The following TRAF3 variants were observed in gnomAD, a reference collection of about 807,000 sequenced individuals.
TRAF3 encodes TNF receptor associated factor 3.
In TRAF3, 13 loss-of-function variants were observed where a neutral mutation model predicts 62.3. The observed-to-expected ratio is 0.21, with a 90% confidence interval of 0.14 to 0.33. TRAF3 has a LOEUF of 0.33. Among genes scored for constraint, TRAF3 ranks in the 10% least tolerant of loss-of-function variants. The pLI, the probability that TRAF3 is intolerant of heterozygous loss-of-function variation, is 1.00. For synonymous variants in TRAF3, 269 were observed against 283.4 expected, an observed-to-expected ratio of 0.95 and a Z score of 0.51; for missense variants, 440 against 741.8, an observed-to-expected ratio of 0.59 and a Z score of 4.73.
At chr14:102,858,047 A>G (rs143628844) in intron 2 of TRAF3, among the ~76,000 whole-genome samples, 108 of 152,352 alleles carry the variant, frequency 7.1e-4, no homozygotes, top group African/African-American at 2.5e-3. Context: ...AAAGTCAGAA[A>G]AGATTACTTG....
rs980073694 is a variant in TRAF3 at position 102,873,241 on chromosome 14, G to A, written c.297+1273G>A. The stretch of plus-strand genomic sequence containing the variant: ...AGGCACACAGGCATCCAGTATAGCC[G>A]CTCTGGAAGGGGGAGAGATGGAATT... On this transcript the variant is annotated intron_variant, in intron 4 of 11. Transcript: ENST00000392745. Among the ~76,000 whole-genome samples the A allele has an allele frequency of 3.3e-5, 5 of 152,142 alleles. No homozygotes were observed. In the East Asian group the frequency reaches 5.8e-4, roughly 18 times the overall value.
At chr14:102,852,771 G>C (rs1050124532) in intron 2 of TRAF3, among the ~76,000 whole-genome samples, 4 of 152,142 alleles carry the variant, frequency 2.6e-5, no homozygotes, top group African/African-American at 9.7e-5. Flanking sequence ...CGTGATCGTA[G>C]TTCACTGTAA....
intron 2 of TRAF3, among the ~76,000 whole-genome samples, chr14:102,862,195 A>G (rs992244823): frequency 3.3e-5 from 5 of 151,866 alleles, no homozygotes; most frequent in African/African-American, 1.2e-4. Flanking sequence ...TTTTTTGGGG[A>G]TCTCATTCAT....
At chr14:102,820,232 G>A (rs1253700401) in intron 1 of TRAF3, among the ~76,000 whole-genome samples, 2 of 152,106 alleles carry the variant, frequency 1.3e-5, no homozygotes, top group Non-Finnish European at 1.5e-5. Flanking sequence ...CTCTCAGAGT[G>A]TAGGAGGTAA....
intron 1 of TRAF3, among the ~76,000 whole-genome samples, chr14:102,821,008 G>A (rs1298449352): frequency 1.3e-5 from 2 of 151,972 alleles, no homozygotes; most frequent in African/African-American, 2.4e-5. Flanking sequence ...AGAAAATGAA[G>A]AGCTAATTCT....
rs189604898 is a variant in TRAF3, at chr14:102,903,652, A to C, written c.1135+223A>C. The C allele has an allele frequency of 8.7e-5, 61 of 703,804 alleles. No individual in the cohort carries two copies. The African/African-American group carries it at 9.1e-4, about 10-fold the overall frequency. 43.6% of individuals were successfully genotyped at this position (703,804 alleles called of 1,614,324 possible). A position where few individuals can be genotyped will look rare whatever the true frequency, so the allele number is the denominator to read the frequency against. ...TTGTCCCCTCCGTGTGAGGCCCTAC[A>C]TGGTGTAGAAAGTAGGGGCAGCTGC... On this transcript the variant is annotated intron_variant, in intron 11 of 11. Transcript: ENST00000392745. This position sits in a 1 kb window ranked among gnomAD's most constrained non-coding sequence, Gnocchi z 6.4.
At chr14:102,859,721 T>C (rs1318555093) in intron 2 of TRAF3, among the ~76,000 whole-genome samples, 1 of 152,236 alleles carries the variant, frequency 6.6e-6, no homozygotes, top group Non-Finnish European at 1.5e-5. Context: ...TTTAAGCCAA[T>C]TAATCAAAGC....
intron 6 of TRAF3, 97 bp downstream of exon 6, chr14:102,876,622 C>T (rs976048990): frequency 1.5e-5 from 23 of 1,491,244 alleles, no homozygotes; most frequent in Non-Finnish European, 2.0e-5. Flanking sequence ...GTTCCACAGG[C>T]CTTCCCTCAA....
intron 2 of TRAF3, among the ~76,000 whole-genome samples, chr14:102,839,126 C>T (rs182052420): frequency 3.5e-4 from 52 of 149,006 alleles, no homozygotes; most frequent in African/African-American, 1.1e-3. Flanking sequence ...ATTGGGAGTT[C>T]GGAACGCCTA....
intron 2 of TRAF3, among the ~76,000 whole-genome samples, chr14:102,844,581 C>T (rs1886580313): frequency 6.6e-6 from 1 of 152,174 alleles, no homozygotes; most frequent in Non-Finnish European, 1.5e-5. Context: ...CCCCTGGAAG[C>T]TGTGGACTGA....
chr14:102,806,357 G>T (rs1595304507), intron 1 of TRAF3, among the ~76,000 whole-genome samples: 1 of 152,136 alleles, frequency 6.6e-6, no homozygotes, highest in Non-Finnish European at 1.5e-5. Flanking sequence ...GCACTTGGAG[G>T]CTAGAGTGCC....
At chr14:102,888,845 T>TA (rs998078286) in intron 7 of TRAF3, among the ~76,000 whole-genome samples, 1 of 152,212 alleles carries the variant, frequency 6.6e-6, no homozygotes, top group African/African-American at 2.4e-5. Flanking sequence ...TAGGGCATCA[T>TA]AAGTAATTTT....
intron 9 of TRAF3, among the ~76,000 whole-genome samples, chr14:102,895,971 G>A (rs1177758819): frequency 2.6e-5 from 4 of 152,080 alleles, no homozygotes; most frequent in African/African-American, 9.7e-5. Context: ...TTGTATTCTC[G>A]TCACGCTCTC....
intron 1 of TRAF3, among the ~76,000 whole-genome samples, chr14:102,820,408 T>TAAG (rs1899826470): frequency 6.6e-6 from 1 of 151,804 alleles, no homozygotes; most frequent in African/African-American, 2.4e-5. Flanking sequence ...CTCTGCCCTC[T>TAAG]TAGCTGGGCC....
At chr14:102,862,572 A>G (rs1484945361) in intron 2 of TRAF3, among the ~76,000 whole-genome samples, 2 of 152,128 alleles carry the variant, frequency 1.3e-5, no homozygotes, top group African/African-American at 2.4e-5. Flanking sequence ...CAGTTTGGCT[A>G]CAGTGTGTCT....
chr14:102,797,124 T>C (rs11848286), intron 1 of TRAF3, among the ~76,000 whole-genome samples: 6,759 of 152,308 alleles, frequency 0.044, 511 homozygotes, highest in African/African-American at 0.16. Context: ...AACGTGCCCT[T>C]GGCCTGTCTC....
intron 2 of TRAF3, among the ~76,000 whole-genome samples, chr14:102,836,109 C>T (rs1389724842): frequency 6.6e-6 from 1 of 152,120 alleles, no homozygotes; most frequent in Admixed American, 6.5e-5. Context: ...GCTTTGGTCC[C>T]AACTGTCTGT....
At chr14:102,863,156 C>T (rs1887779602) in intron 2 of TRAF3, among the ~76,000 whole-genome samples, 1 of 152,038 alleles carries the variant, frequency 6.6e-6, no homozygotes, top group South Asian at 2.1e-4. Context: ...GCATGTGAAC[C>T]ATACTTTCTT....
intron 2 of TRAF3, among the ~76,000 whole-genome samples, chr14:102,860,204 T>C (rs1430250013): frequency 6.6e-6 from 1 of 152,154 alleles, no homozygotes; most frequent in Non-Finnish European, 1.5e-5. Context: ...TCCCCAAAAG[T>C]ATTAAATGTA....
Sources: gnomAD v4.1 joint callset for allele counts (sites outside exome capture counted in the v4.1 genomes callset) on GRCh38, gnomAD v4.1.1 for gene constraint, Gnocchi (gnomAD v3.1) non-coding constraint, MANE v1.5 for transcripts, NCBI Gene and HGNC (gene_info 2026-07-23, HGNC 2026-07-21) for gene names.